Variants in CCNH observed in about 807,000 individuals in gnomAD.
The protein encoded by CCNH is cyclin H.
CCNH carries 31 observed loss-of-function variants against 41.9 expected under a neutral mutation model. The ratio of observed to expected loss-of-function variants is 0.74; its 90% CI spans 0.56 to 1.00. The LOEUF is 1.00. CCNH is among the 50% of genes least tolerant of loss of function. The pLI is 0.00. For missense variants in CCNH, 362 were observed against 388.4 expected (o/e 0.93, Z 0.57); for synonymous variants, 138 against 136.1 (o/e 1.01, Z -0.10).
At chr5:87,389,183 T>G (rs971973726), downstream of CCNH, 2 of 472,552 alleles carry the variant, frequency 4.2e-6, no homozygotes, top group Non-Finnish European at 7.7e-6. Context: ...AACAAAAAAT[T>G]AGCTGGGCAT....
chr5:87,313,203 G>A, the CCNH span, among the ~76,000 whole-genome samples: 1 of 152,152 alleles, frequency 6.6e-6, no homozygotes, highest in African/African-American at 2.4e-5. Flanking sequence ...ATTTTATACT[G>A]GGTGAGTTTA....
chr5:87,323,979 A>G (rs1418948342), intron 9 of CCNH, among the ~76,000 whole-genome samples: 1 of 152,126 alleles, frequency 6.6e-6, no homozygotes, highest in Non-Finnish European at 1.5e-5. Flanking sequence ...CTTTCCTGTC[A>G]TGGTGTTCTG....
intron 8 of CCNH, 62 bp from the exon 9 acceptor site, chr5:87,394,546 T>G: frequency 3.8e-6 from 6 of 1,596,954 alleles, no homozygotes; most frequent in Non-Finnish European, 5.1e-6. Flanking sequence ...TGTTTACCTC[T>G]TACCTCCCTT....
chr5:87,362,600 A>C, intron 9 of CCNH: 1 of 1,596,900 alleles, frequency 6.3e-7, no homozygotes, highest in Non-Finnish European at 8.6e-7. Flanking sequence ...GAAATCTATA[A>C]TACCATCCGT....
chr5:87,324,961 T>G (rs539250758), intron 9 of CCNH, among the ~76,000 whole-genome samples: 1 of 152,328 alleles, frequency 6.6e-6, no homozygotes, highest in East Asian at 1.9e-4. Context: ...TTTTTTATTT[T>G]TTTTTAACCT....
At chr5:87,391,005 G>A, downstream of CCNH, 1 of 988,270 alleles carries the variant, frequency 1.0e-6, no homozygotes, top group Non-Finnish European at 1.6e-6. Flanking sequence ...AGTGATGTGT[G>A]AGCTATGCAA....
upstream of CCNH, chr5:87,378,279 A>C: frequency 8.1e-7 from 1 of 1,235,644 alleles, no homozygotes; most frequent in Admixed American, 1.7e-5. Context: ...CGCTGCACGC[A>C]AAAAGCACAT....
downstream of CCNH, chr5:87,389,330 TCAAAAAAAA>T (rs939577077): frequency 2.6e-5 from 41 of 1,595,758 alleles, no homozygotes; most frequent in South Asian, 2.4e-4. Context: ...AAACTCTGTC[TCAAAAAAAA>T]CAAAAAAAAA....
At chr5:87,322,164 A>G (rs1382613961) in intron 9 of CCNH, among the ~76,000 whole-genome samples, 1 of 152,070 alleles carries the variant, frequency 6.6e-6, no homozygotes, top group East Asian at 1.9e-4. Context: ...TGTTTAAAGC[A>G]GGGGTCCTCA....
At chr5:87,342,609 G>A (rs1477321393) in intron 9 of CCNH, among the ~76,000 whole-genome samples, 2 of 152,186 alleles carry the variant, frequency 1.3e-5, no homozygotes, top group Admixed American at 6.5e-5. Context: ...CAAGGTACAT[G>A]GAACTGTGTC....
chr5:87,389,278 C>A, downstream of CCNH: 6 of 1,372,644 alleles, frequency 4.4e-6, no homozygotes, highest in Non-Finnish European at 4.1e-6. Flanking sequence ...TTGCAGTGAG[C>A]CGAGATCATG....
At chr5:87,355,110 A>G (rs1230077247) in intron 9 of CCNH, among the ~76,000 whole-genome samples, 3 of 152,200 alleles carry the variant, frequency 2.0e-5, no homozygotes, top group African/African-American at 7.2e-5. Flanking sequence ...CAGAACATCT[A>G]GCTAGTTTTC....
rs1290944036 is a variant in CCNH, at chr5:87,354,744, C to G, written c.*91-35847G>C. Among the ~76,000 whole-genome samples the G allele has an allele frequency of 2.0e-5, 3 of 152,260 alleles. No homozygotes were observed. In the East Asian group the frequency reaches 5.8e-4, roughly 29 times the overall value. ...AGCCAAAATAGGCTGAAAGCTAGGT[C>G]TCTTGCACCAAACAGCAAAGTTGTG... On this transcript the variant is annotated intron_variant and NMD_transcript_variant, in intron 9 of 9. Transcript: ENST00000645953.
intron 9 of CCNH, among the ~76,000 whole-genome samples, chr5:87,364,947 G>A (rs1227018651): frequency 6.6e-6 from 1 of 152,156 alleles, no homozygotes; most frequent in African/African-American, 2.4e-5. Flanking sequence ...AAATAGTGAG[G>A]CTGCTCTACT....
At chr5:87,367,866 C>G (rs1760640725) in intron 9 of CCNH, among the ~76,000 whole-genome samples, 1 of 151,962 alleles carries the variant, frequency 6.6e-6, no homozygotes, top group Admixed American at 6.6e-5. Context: ...GGTAATGTAT[C>G]TTTGTCTTTT....
chr5:87,362,534 T>G, intron 9 of CCNH: 1 of 1,578,470 alleles, frequency 6.3e-7, no homozygotes, highest in South Asian at 1.1e-5. Context: ...ATAATTTTAA[T>G]GTTTTTTAAA....
intron 9 of CCNH, among the ~76,000 whole-genome samples, chr5:87,342,464 T>C (rs577944942): frequency 5.9e-5 from 9 of 152,038 alleles, no homozygotes; most frequent in Non-Finnish European, 1.2e-4. Context: ...CAGCTAGGAG[T>C]TGCAAATTCT....
the CCNH span, among the ~76,000 whole-genome samples, chr5:87,311,991 A>G: frequency 6.6e-6 from 1 of 152,246 alleles, no homozygotes. Flanking sequence ...CCTTTACTGC[A>G]TACTGGTGAT....
intron 9 of CCNH, chr5:87,362,510 C>G (rs773760921): frequency 1.3e-6 from 2 of 1,553,038 alleles, no homozygotes; most frequent in Non-Finnish European, 1.8e-6. Flanking sequence ...TCATTTCCAT[C>G]AAGAATGTAT....
Sources: allele counts gnomAD v4.1 joint callset (sites outside exome capture counted in the v4.1 genomes callset), GRCh38; gene constraint gnomAD v4.1.1; transcripts MANE v1.5; gene names NCBI Gene and HGNC (gene_info 2026-07-23, HGNC 2026-07-21).